FAM114A2: variants seen among roughly 807,000 people sequenced by gnomAD.
FAM114A2 encodes protein FAM114A2.
FAM114A2 carries 53 observed loss-of-function variants against 58.4 expected under a neutral mutation model. That is an observed-to-expected ratio of 0.91 (90% CI 0.73 to 1.14). FAM114A2 has a LOEUF of 1.14. Ranked by LOEUF, FAM114A2 falls within the 50% of genes most tolerant of loss-of-function variation. FAM114A2 has a pLI of 0.00. For missense variants in FAM114A2, 601 were observed against 581.1 expected (o/e 1.03, Z -0.35); for synonymous variants, 228 against 211.4 (o/e 1.08, Z -0.68).
At position 153,991,607 on chromosome 5, in the gene FAM114A2, C is replaced by T. The variant is rs1769249003; in HGVS notation, c.*1369G>A. 2 of 151,940 alleles carry T rather than the reference C, an allele frequency of 1.3e-5. No homozygotes were observed. The highest frequency in any genetic ancestry group is 1.3e-4 in the Admixed American group (2 of 15,256). The allele number at this position is 151,940 out of a possible 1,614,324, so 9.4% of individuals were successfully genotyped here. A position where few individuals can be genotyped will look rare whatever the true frequency, so the allele number is the denominator to read the frequency against. On this transcript the variant is annotated 3_prime_UTR_variant, in exon 14 of 14. Transcript: ENST00000351797. Reference sequence around the variant, plus strand: ...TTTTTAAACCAAATTTATTTCTCTTCCTTGCTTACTAACTGACTCCTGCCC... The same window carrying T: ...TTTTTAAACCAAATTTATTTCTCTTTCTTGCTTACTAACTGACTCCTGCCC...
At chr5:154,026,873 A>G (rs1165778310) in intron 7 of FAM114A2, among the ~76,000 whole-genome samples, 1 of 120,072 alleles carries the variant, frequency 8.3e-6, no homozygotes, top group African/African-American at 3.0e-5. Context: ...AGCCTAGGCC[A>G]AAGAAACTAA....
Position 154,031,705 on chromosome 5 carries a change from T to C in FAM114A2, c.403+2086A>G, listed in dbSNP as rs143606294. On this transcript the variant is annotated intron_variant, in intron 4 of 13. Transcript: ENST00000351797. Reference sequence around the variant, plus strand: ...CATAAACCATGAATAATAAACCTAATCCTCTTCTCCATGCTAGTCTTCAGA... The same window carrying C: ...CATAAACCATGAATAATAAACCTAACCCTCTTCTCCATGCTAGTCTTCAGA... 3.2e-4 allele frequency among the ~76,000 whole-genome samples: 49 copies of C among 152,310 alleles called. 1 individual carries two copies. The Middle Eastern group carries it at 0.02, about 63-fold the overall frequency.
Position 154,028,162 on chromosome 5 carries a change from G to A in FAM114A2, c.617C>T (p.Ala206Val). Residue 206 changes from alanine to valine, a missense_variant, in exon 6 of 14, where the codon GCT (alanine) becomes GTT (valine). Ala to Val is a moderately conservative substitution (Grantham distance 64, BLOSUM62 0). Transcript: ENST00000351797. ...GATAATCAGTACCTGAGATAGTGTA[G>A]CATTTCGGTTCATCAGACCCTTGGT... ...KRTKGLMNRN[A>V]TLSQVLREAK... The A allele has an allele frequency of 6.2e-7, 1 of 1,611,644 alleles. No homozygotes were observed. Among genetic ancestry groups the A allele is most frequent in the Non-Finnish European group, 8.5e-7 (1 of 1,178,602 alleles).
intron 8 of FAM114A2, among the ~76,000 whole-genome samples, chr5:154,014,907 A>C (rs1325838135): frequency 6.6e-6 from 1 of 152,174 alleles, no homozygotes; most frequent in East Asian, 1.9e-4. Flanking sequence ...AGTCTGGGGC[A>C]AGTTCTCAGC....
chr5:154,010,163 G>C (rs771478177), intron 9 of FAM114A2, among the ~76,000 whole-genome samples: 2 of 152,140 alleles, frequency 1.3e-5, no homozygotes, highest in Admixed American at 1.3e-4. Context: ...ATGTATACAT[G>C]TATTTACACA....
chr5:153,999,773 C>T (rs189001909), intron 11 of FAM114A2, among the ~76,000 whole-genome samples: 242 of 152,158 alleles, frequency 1.6e-3, no homozygotes, highest in African/African-American at 5.5e-3. Flanking sequence ...TACCAAACTA[C>T]TGGGTATTTA....
intron 8 of FAM114A2, among the ~76,000 whole-genome samples, chr5:154,014,009 T>C (rs372467692): frequency 1.6e-3 from 242 of 152,332 alleles, no homozygotes; most frequent in African/African-American, 5.4e-3. Context: ...CTTCTCAAAG[T>C]CACATGGCTT....
chr5:154,025,896 T>C (rs754160832), intron 8 of FAM114A2, among the ~76,000 whole-genome samples: 8 of 152,164 alleles, frequency 5.3e-5, no homozygotes, highest in Non-Finnish European at 1.0e-4. Context: ...TTCTGAGAAA[T>C]GAAGATATTA....
rs772416892 is a variant in FAM114A2, at chr5:154,034,728, C to A, written c.210+16G>T. On this transcript the variant is annotated intron_variant, in intron 2 of 13. Coordinates refer to ENST00000351797, the MANE Select transcript of FAM114A2 (RefSeq NM_018691.4). The stretch of plus-strand genomic sequence containing the variant: ...TATTTTAATAGATACCCTACTTTTT[C>A]TGTGGTCTGTGATACCTGAATAGGG... 18 of 1,562,802 alleles carry A rather than the reference C, an allele frequency of 1.2e-5. No homozygotes were observed. The South Asian group carries it at 2.0e-4, about 18-fold the overall frequency.
chr5:154,019,856 C>T (rs1024198746), intron 8 of FAM114A2, among the ~76,000 whole-genome samples: 19 of 152,160 alleles, frequency 1.2e-4, no homozygotes, highest in South Asian at 4.1e-4. Context: ...TGGATCTTCT[C>T]AGCACCACAC....
Position 154,011,092 on chromosome 5 carries a change from C to T in FAM114A2, c.993+149G>A, listed in dbSNP as rs1411575055. The stretch of plus-strand genomic sequence containing the variant: ...CACACTAACCTGGAGGAGCAGAAGG[C>T]AAGTAGATGCAGAACCCAATTCTGG... On this transcript the variant is annotated intron_variant, in intron 9 of 13. Transcript: ENST00000351797. 3 of 595,268 alleles carry T rather than the reference C, an allele frequency of 5.0e-6. No homozygotes were observed. The African/African-American group carries it at 5.7e-5, about 11-fold the overall frequency. 36.9% of individuals were successfully genotyped at this position (595,268 alleles called of 1,614,324 possible).
At chr5:154,012,810 T>C (rs906833422) in intron 8 of FAM114A2, among the ~76,000 whole-genome samples, 3 of 152,132 alleles carry the variant, frequency 2.0e-5, no homozygotes, top group South Asian at 2.1e-4. Context: ...ATAATTTGGA[T>C]ACAAGGGATG....
chr5:154,026,549 G>A, intron 7 of FAM114A2, 27 bp from the exon 8 acceptor site: 2 of 1,415,794 alleles, frequency 1.4e-6, no homozygotes, highest in Non-Finnish European at 1.9e-6. Context: ...ACAAAATGTT[G>A]TAGGAGTATG....
At chr5:154,017,210 A>AGGTG (rs1771095000) in intron 8 of FAM114A2, among the ~76,000 whole-genome samples, 1 of 152,214 alleles carries the variant, frequency 6.6e-6, no homozygotes, top group South Asian at 2.1e-4. Context: ...TGGGAGGCCG[A>AGGTG]GGCAGGTGTA....
intron 4 of FAM114A2, among the ~76,000 whole-genome samples, chr5:154,030,774 C>T (rs909599225): frequency 7.9e-5 from 12 of 152,354 alleles, no homozygotes; most frequent in Admixed American, 2.6e-4. Context: ...AAATACTGCA[C>T]TGCTGAGGCA....
At chr5:154,026,607 C>T (rs987464732) in intron 7 of FAM114A2, 85 bp from the exon 8 acceptor site, 3 of 941,466 alleles carry the variant, frequency 3.2e-6, no homozygotes, top group African/African-American at 3.4e-5. Context: ...ATAAAAAGAT[C>T]ATATTGAAGT....
In FAM114A2 at chr5:154,034,799, C is replaced by T; in HGVS notation, c.155G>A (p.Arg52Lys). Reference protein sequence around the residue: ...KSEPVVSTRKRPETKPSSDLE... With the variant: ...KSEPVVSTRKKPETKPSSDLE... ...GTCACTGGAAGGTTTGGTCTCTGGT[C>T]TTTTCCGAGTGGAAACTACAGGTTC... The change falls in exon 2 of 14, where the codon AGA (arginine) becomes AAA (lysine). Residue 52 changes from arginine to lysine, a missense_variant. Transcript: ENST00000351797. 6.2e-7 allele frequency: 1 copy of T among 1,614,024 alleles called. No individual in the cohort carries two copies. Among genetic ancestry groups the T allele is most frequent in the Non-Finnish European group, 8.5e-7 (1 of 1,179,952 alleles).
intron 4 of FAM114A2, among the ~76,000 whole-genome samples, chr5:154,032,597 G>T (rs1453046373): frequency 2.6e-5 from 4 of 152,134 alleles, no homozygotes; most frequent in Non-Finnish European, 1.5e-5. Context: ...CTAGGCAATG[G>T]CATTGGAGAA....
In FAM114A2 at chr5:153,991,399, G is replaced by C. The variant is rs970077586; in HGVS notation, c.*1577C>G. 1.3e-5 allele frequency: 2 copies of C among 152,146 alleles called. No individual in the cohort carries two copies. Among genetic ancestry groups the C allele is most frequent in the African/African-American group, 4.8e-5 (2 of 41,412 alleles). The allele number at this position is 152,146 out of a possible 1,614,324, so 9.4% of individuals were successfully genotyped here. A position where few individuals can be genotyped will look rare whatever the true frequency, so the allele number is the denominator to read the frequency against. On this transcript the variant is annotated 3_prime_UTR_variant, in exon 14 of 14. Coordinates refer to ENST00000351797, the MANE Select transcript of FAM114A2 (RefSeq NM_018691.4). Reference sequence around the variant, plus strand: ...GTTCAGACACATCAACCAAGCTTGAGGCAACAATTCAGAACTGGTGACACC... The same window carrying C: ...GTTCAGACACATCAACCAAGCTTGACGCAACAATTCAGAACTGGTGACACC...
Sources: allele counts gnomAD v4.1 joint callset (sites outside exome capture counted in the v4.1 genomes callset), GRCh38; gene constraint gnomAD v4.1.1; transcripts MANE v1.5; gene names NCBI Gene and HGNC (gene_info 2026-07-23, HGNC 2026-07-21).